Variants in IFT56 observed in about 807,000 individuals in gnomAD.
The protein encoded by IFT56 is intraflagellar transport 56.
chr7:139,165,855 G>A, the IFT56 span, among the ~76,000 whole-genome samples: 1 of 152,158 alleles, frequency 6.6e-6, no homozygotes, highest in African/African-American at 2.4e-5. Context: ...TAGGTGCATG[G>A]CAGAAACCAA....
At chr7:139,189,465 C>A in the IFT56 span, 1 of 1,423,894 alleles carries the variant, frequency 7.0e-7, no homozygotes, top group Non-Finnish European at 9.8e-7. Context: ...CCAGCTTCTA[C>A]TTTGACATAA....
At chr7:139,182,601 T>C in the IFT56 span, among the ~76,000 whole-genome samples, 1 of 152,236 alleles carries the variant, frequency 6.6e-6, no homozygotes, top group South Asian at 2.1e-4. Flanking sequence ...TAGTTAACAA[T>C]GTAGATTTAG....
the IFT56 span, among the ~76,000 whole-genome samples, chr7:139,165,647 T>C: frequency 6.6e-6 from 1 of 152,218 alleles, no homozygotes. Flanking sequence ...CCTTTCCGTT[T>C]CTTTGTACCC....
At chr7:139,166,517 AAT>A in the IFT56 span, among the ~76,000 whole-genome samples, 13,261 of 150,738 alleles carry the variant, frequency 0.088, 1,310 homozygotes, top group African/African-American at 0.25. Context: ...CTATATACTT[AAT>A]ATATATATAT....
chr7:139,143,171 C>T, the IFT56 span, among the ~76,000 whole-genome samples: 2 of 152,024 alleles, frequency 1.3e-5, no homozygotes, highest in East Asian at 3.9e-4. Flanking sequence ...ATGGACATAC[C>T]TACTGGGTAT....
chr7:139,191,060 A>T, the IFT56 span: 1 of 152,196 alleles, frequency 6.6e-6, no homozygotes, highest in African/African-American at 2.4e-5. Flanking sequence ...GAGATCGATG[A>T]CTGAAGATCT....
chr7:139,186,350 C>T, the IFT56 span, among the ~76,000 whole-genome samples: 2 of 151,370 alleles, frequency 1.3e-5, no homozygotes, highest in East Asian at 2.0e-4. Context: ...CTCTTGAGCC[C>T]AGGAATTTGA....
At chr7:139,178,106 T>C in the IFT56 span, 1 of 760,748 alleles carries the variant, frequency 1.3e-6, no homozygotes, top group East Asian at 2.7e-5. Flanking sequence ...TCTAGAAAGA[T>C]ATTTTGGAAT....
the IFT56 span, among the ~76,000 whole-genome samples, chr7:139,159,892 G>A: frequency 6.6e-6 from 1 of 151,856 alleles, no homozygotes; most frequent in Admixed American, 6.6e-5. Context: ...ATATTTTAAG[G>A]CATATTATTA....
At chr7:139,153,881 G>A in the IFT56 span, among the ~76,000 whole-genome samples, 2,463 of 152,216 alleles carry the variant, frequency 0.016, 67 homozygotes, top group African/African-American at 0.056. Context: ...GGGTCATATG[G>A]TAACTGTATA....
chr7:139,162,291 A>G, the IFT56 span, among the ~76,000 whole-genome samples: 1 of 152,166 alleles, frequency 6.6e-6, no homozygotes, highest in Non-Finnish European at 1.5e-5. Flanking sequence ...GAGCCCAGCT[A>G]TCAGTATTTT....
chr7:139,142,743 A>T, the IFT56 span, among the ~76,000 whole-genome samples: 1 of 152,176 alleles, frequency 6.6e-6, no homozygotes, highest in Non-Finnish European at 1.5e-5. Flanking sequence ...GAGGGAGGAG[A>T]ATCACTTGAA....
the IFT56 span, chr7:139,179,557 C>G: frequency 6.2e-7 from 1 of 1,611,536 alleles, no homozygotes; most frequent in Non-Finnish European, 8.5e-7. Context: ...TATTCCCTTT[C>G]TTTCCTCTTC....
chr7:139,163,351 A>G, the IFT56 span, among the ~76,000 whole-genome samples: 2 of 152,070 alleles, frequency 1.3e-5, no homozygotes, highest in Non-Finnish European at 2.9e-5. Context: ...AAAAAAAAAA[A>G]AAAAGAAAAA....
the IFT56 span, chr7:139,148,201 A>G: frequency 6.2e-7 from 1 of 1,602,412 alleles, no homozygotes; most frequent in Non-Finnish European, 8.5e-7. Context: ...TCTTTCATCT[A>G]ATAGGGAATA....
At chr7:139,152,918 G>A in the IFT56 span, among the ~76,000 whole-genome samples, 2 of 152,140 alleles carry the variant, frequency 1.3e-5, no homozygotes, top group Non-Finnish European at 2.9e-5. Flanking sequence ...GGAGGCGGAG[G>A]CGGGCGGATT....
At chr7:139,162,860 A>G in the IFT56 span, among the ~76,000 whole-genome samples, 4 of 151,852 alleles carry the variant, frequency 2.6e-5, no homozygotes, top group African/African-American at 9.7e-5. Flanking sequence ...TCGGGAGGCC[A>G]GGGCAGGAGA....
the IFT56 span, among the ~76,000 whole-genome samples, chr7:139,162,356 T>C: frequency 6.6e-6 from 1 of 152,166 alleles, no homozygotes; most frequent in Non-Finnish European, 1.5e-5. Flanking sequence ...AACCACTATA[T>C]AAATATATGA....
chr7:139,150,859 G>A, the IFT56 span, among the ~76,000 whole-genome samples: 1 of 152,192 alleles, frequency 6.6e-6, no homozygotes, highest in Non-Finnish European at 1.5e-5. Context: ...GGCAAATGCA[G>A]ATCTCAAACT....
Sources: allele counts gnomAD v4.1 joint callset (sites outside exome capture counted in the v4.1 genomes callset), GRCh38; gene constraint gnomAD v4.1.1; transcripts MANE v1.5; gene names NCBI Gene and HGNC (gene_info 2026-07-23, HGNC 2026-07-21).